Variants in PXDNL observed in about 807,000 individuals in gnomAD.
PXDNL encodes probable oxidoreductase PXDNL.
In PXDNL, 145 loss-of-function variants were observed where a neutral mutation model predicts 150.8. That is an observed-to-expected ratio of 0.96 (90% CI 0.84 to 1.10). The LOEUF (loss-of-function observed/expected upper bound fraction) is 1.10. Among genes scored for constraint, PXDNL ranks in the 50% least tolerant of loss-of-function variants. The pLI, the probability that PXDNL is intolerant of heterozygous loss-of-function variation, is 0.00. For missense variants in PXDNL, 2,087 were observed against 1,873.9 expected, an observed-to-expected ratio of 1.11 and a Z score of -2.10; for synonymous variants, 757 against 725.7, an observed-to-expected ratio of 1.04 and a Z score of -0.69.
chr8:51,447,602 T>G (rs1232184521), intron 11 of PXDNL, among the ~76,000 whole-genome samples: 3 of 152,172 alleles, frequency 2.0e-5, no homozygotes, highest in Non-Finnish European at 4.4e-5. Flanking sequence ...TCGAAAATGG[T>G]GATTTTGTGA....
chr8:51,700,476 CATACACACATATACATAT>C (rs1816232566), intron 1 of PXDNL, among the ~76,000 whole-genome samples: 2 of 151,816 alleles, frequency 1.3e-5, no homozygotes. Flanking sequence ...CACACACATG[CATACACACATATACATAT>C]ATACACACAT....
intron 1 of PXDNL, among the ~76,000 whole-genome samples, chr8:51,759,014 G>C (rs191022045): frequency 2.6e-4 from 39 of 152,278 alleles, no homozygotes; most frequent in Non-Finnish European, 4.9e-4. Context: ...CAAGACATGG[G>C]GAGAAGCATT....
intron 5 of PXDNL, among the ~76,000 whole-genome samples, chr8:51,484,184 C>CCCAGCA (rs1177453433): frequency 6.6e-6 from 1 of 151,938 alleles, no homozygotes; most frequent in African/African-American, 2.4e-5. Context: ...CGCCTGTAAT[C>CCCAGCA]CCAGCACTTT....
chr8:51,458,729 C>T (rs1809997480), intron 8 of PXDNL, among the ~76,000 whole-genome samples: 1 of 152,208 alleles, frequency 6.6e-6, no homozygotes, highest in African/African-American at 2.4e-5. Flanking sequence ...TAAAGAATAA[C>T]AGCCTATTCC....
intron 5 of PXDNL, among the ~76,000 whole-genome samples, chr8:51,486,445 C>G (rs1396372197): frequency 6.6e-6 from 1 of 151,808 alleles, no homozygotes; most frequent in Non-Finnish European, 1.5e-5. Flanking sequence ...TAATCTAAGT[C>G]TCAGTCCCTT....
chr8:51,768,769 T>A (rs1055034556), intron 1 of PXDNL, among the ~76,000 whole-genome samples: 2 of 152,214 alleles, frequency 1.3e-5, no homozygotes, highest in African/African-American at 4.8e-5. Flanking sequence ...CACCATTCTA[T>A]GTATTATAAA....
intron 1 of PXDNL, among the ~76,000 whole-genome samples, chr8:51,659,930 G>A (rs113452296): frequency 0.015 from 2,243 of 149,808 alleles, 26 homozygotes; most frequent in South Asian, 0.033. Flanking sequence ...TGCTCTTGTC[G>A]CCCAGGCTGG....
chr8:51,676,708 TC>T (rs58967499), intron 1 of PXDNL, among the ~76,000 whole-genome samples: 4,280 of 152,278 alleles, frequency 0.028, 205 homozygotes, highest in African/African-American at 0.097. Context: ...GCCAAATGCC[TC>T]CATCTCTTCT....
intron 19 of PXDNL, among the ~76,000 whole-genome samples, chr8:51,366,994 T>C (rs1301691559): frequency 6.7e-6 from 1 of 149,792 alleles, no homozygotes; most frequent in Non-Finnish European, 1.5e-5. Context: ...CCAGCTACTT[T>C]GGAGGCTGAG....
chr8:51,359,647 C>T (rs1178226102), intron 19 of PXDNL, among the ~76,000 whole-genome samples: 1 of 152,034 alleles, frequency 6.6e-6, no homozygotes, highest in East Asian at 1.9e-4. Flanking sequence ...AAGAAATATG[C>T]AAATCTATGA....
chr8:51,803,644 G>C (rs1316492822), intron 1 of PXDNL, among the ~76,000 whole-genome samples: 1 of 152,142 alleles, frequency 6.6e-6, no homozygotes, highest in Non-Finnish European at 1.5e-5. Flanking sequence ...AGCTGCAAGG[G>C]GGGCACATTT....
rs115878707 is a variant in PXDNL at position 51,645,985 on chromosome 8, C to A, written c.236+8704G>T. On this transcript the variant is annotated intron_variant, in intron 2 of 22. Transcript: ENST00000356297. ...GCATAAAGACTGAGAAGAGGAAAGA[C>A]AGAGGGAAAGGAAAACAAGAGCCAA... 3.3e-3 allele frequency among the ~76,000 whole-genome samples: 502 copies of A among 152,066 alleles called. 4 individuals carry two copies. The highest frequency in any genetic ancestry group is 0.012 in the African/African-American group (481 of 41,468).
chr8:51,647,108 G>T (rs768911295), intron 2 of PXDNL, among the ~76,000 whole-genome samples: 10 of 151,984 alleles, frequency 6.6e-5, no homozygotes, highest in Non-Finnish European at 1.5e-4. Flanking sequence ...CCTTATACAG[G>T]GTCTGTGAAT....
intron 1 of PXDNL, among the ~76,000 whole-genome samples, chr8:51,691,839 A>G (rs905485930): frequency 4.6e-5 from 7 of 152,284 alleles, no homozygotes; most frequent in Admixed American, 4.6e-4. Context: ...GAGGAAGGCA[A>G]ATGTGTGATT....
At chr8:51,331,785 C>A (rs1454184765) in intron 21 of PXDNL, among the ~76,000 whole-genome samples, 1 of 152,094 alleles carries the variant, frequency 6.6e-6, no homozygotes, top group African/African-American at 2.4e-5. Context: ...AGGTACACAA[C>A]TCCAGTGACC....
chr8:51,598,325 A>T (rs188506226), intron 2 of PXDNL, among the ~76,000 whole-genome samples: 1 of 152,228 alleles, frequency 6.6e-6, no homozygotes, highest in Non-Finnish European at 1.5e-5. Flanking sequence ...CTCAAAGGGA[A>T]TGCTTCCAAT....
chr8:51,458,978 T>G (rs1238691974), intron 8 of PXDNL, among the ~76,000 whole-genome samples: 1 of 152,130 alleles, frequency 6.6e-6, no homozygotes, highest in Non-Finnish European at 1.5e-5. Context: ...GAAATTCGAG[T>G]TGTCATTTTT....
chr8:51,660,680 G>A (rs1247388134), intron 1 of PXDNL, among the ~76,000 whole-genome samples: 1 of 152,192 alleles, frequency 6.6e-6, no homozygotes, highest in East Asian at 1.9e-4. Context: ...TCACTGGAAT[G>A]GCACAAGCCT....
At chr8:51,386,247 C>T (rs1190672617) in intron 17 of PXDNL, among the ~76,000 whole-genome samples, 2 of 152,084 alleles carry the variant, frequency 1.3e-5, no homozygotes, top group African/African-American at 4.8e-5. Flanking sequence ...CACGTGCCAC[C>T]ATGCCCGGCT....
Sources: gnomAD v4.1 joint callset for allele counts (sites outside exome capture counted in the v4.1 genomes callset) on GRCh38, gnomAD v4.1.1 for gene constraint, MANE v1.5 for transcripts, NCBI Gene and HGNC (gene_info 2026-07-23, HGNC 2026-07-21) for gene names.